The following RPS6KC1 variants were observed in gnomAD, a reference collection of about 807,000 sequenced individuals.
RPS6KC1 encodes the protein ribosomal protein S6 kinase C1.
In RPS6KC1, 54 loss-of-function variants were observed where a neutral mutation model predicts 103.8. That is an observed-to-expected ratio of 0.52 (90% CI 0.42 to 0.65). RPS6KC1 has a LOEUF of 0.65. RPS6KC1 is among the 30% of genes least tolerant of loss of function. The pLI, the probability that RPS6KC1 is intolerant of heterozygous loss-of-function variation, is 0.00. For missense variants in RPS6KC1, 1,151 were observed against 1,253.8 expected, an observed-to-expected ratio of 0.92 and a Z score of 1.24; for synonymous variants, 439 against 438.7, an observed-to-expected ratio of 1.00 and a Z score of -0.01.
chr1:213,242,411 A>G, intron 11 of RPS6KC1, 114 bp downstream of exon 11: 1 of 1,295,624 alleles, frequency 7.7e-7, no homozygotes, highest in Non-Finnish European at 1.1e-6. Context: ...CTTCATTATC[A>G]GTGCAGCAAA....
At chr1:213,431,879 T>A in the RPS6KC1 span, among the ~76,000 whole-genome samples, 1 of 152,184 alleles carries the variant, frequency 6.6e-6, no homozygotes, top group Non-Finnish European at 1.5e-5. Context: ...ATAATGAAGA[T>A]TTCCAAAGAG....
chr1:213,053,363 A>G (rs1044366810), intron 1 of RPS6KC1, among the ~76,000 whole-genome samples: 1 of 152,222 alleles, frequency 6.6e-6, no homozygotes, highest in Non-Finnish European at 1.5e-5. Flanking sequence ...CAAATAATAG[A>G]TAAAAGAACA....
the RPS6KC1 span, among the ~76,000 whole-genome samples, chr1:213,758,804 T>C: frequency 6.6e-6 from 1 of 152,168 alleles, no homozygotes; most frequent in Non-Finnish European, 1.5e-5. Flanking sequence ...AAAACTTGAA[T>C]GAATAAGGAG....
the RPS6KC1 span, among the ~76,000 whole-genome samples, chr1:213,663,184 T>C: frequency 5.6e-4 from 86 of 152,360 alleles, no homozygotes; most frequent in Non-Finnish European, 3.8e-4. Context: ...CAGTGCCCTT[T>C]GGGTTACCTG....
chr1:213,300,286 A>G, the RPS6KC1 span, among the ~76,000 whole-genome samples: 3 of 152,350 alleles, frequency 2.0e-5, 1 homozygote, highest in East Asian at 1.9e-4. Flanking sequence ...CACTTATTCA[A>G]CAGCCACACA....
chr1:213,494,663 T>C, the RPS6KC1 span, among the ~76,000 whole-genome samples: 413 of 152,130 alleles, frequency 2.7e-3, 5 homozygotes, highest in Middle Eastern at 0.024. Context: ...TCGAAGTGGA[T>C]AACAGGATAA....
At chr1:213,382,048 A>AT in the RPS6KC1 span, among the ~76,000 whole-genome samples, 2 of 151,990 alleles carry the variant, frequency 1.3e-5, no homozygotes, top group Non-Finnish European at 1.5e-5. Context: ...CCAAATGCCG[A>AT]TTTTTTTGTG....
the RPS6KC1 span, among the ~76,000 whole-genome samples, chr1:213,839,576 G>A: frequency 2.6e-5 from 4 of 152,130 alleles, no homozygotes; most frequent in East Asian, 5.8e-4. Flanking sequence ...ACCTCTCCTC[G>A]CCTCTCATGT....
At chr1:213,146,325 C>T (rs2087821662) in intron 6 of RPS6KC1, among the ~76,000 whole-genome samples, 1 of 151,802 alleles carries the variant, frequency 6.6e-6, no homozygotes, top group African/African-American at 2.4e-5. Context: ...CAAATCTTGG[C>T]TATTGTAAAT....
chr1:213,580,481 T>G, the RPS6KC1 span, among the ~76,000 whole-genome samples: 1 of 152,108 alleles, frequency 6.6e-6, no homozygotes, highest in Non-Finnish European at 1.5e-5. Flanking sequence ...ACTTACATGA[T>G]AAAGCAGTGG....
chr1:213,120,890 C>T (rs1442935960), intron 5 of RPS6KC1, among the ~76,000 whole-genome samples: 1 of 152,082 alleles, frequency 6.6e-6, no homozygotes, highest in Admixed American at 6.6e-5. Context: ...TCTTAAAATG[C>T]AGTCAACAGA....
At chr1:213,455,804 T>C in the RPS6KC1 span, among the ~76,000 whole-genome samples, 1 of 152,222 alleles carries the variant, frequency 6.6e-6, no homozygotes, top group Admixed American at 6.5e-5. Context: ...CATTGCCTTT[T>C]GTTTTTATTG....
At chr1:213,411,525 A>G in the RPS6KC1 span, among the ~76,000 whole-genome samples, 1 of 152,200 alleles carries the variant, frequency 6.6e-6, no homozygotes, top group African/African-American at 2.4e-5. Context: ...GGGATTCTCA[A>G]GGCTTTCTGA....
intron 8 of RPS6KC1, among the ~76,000 whole-genome samples, chr1:213,219,264 A>G (rs180859365): frequency 1.2e-3 from 179 of 152,370 alleles, no homozygotes; most frequent in African/African-American, 3.2e-3. Flanking sequence ...AAAAATGCTC[A>G]TCATCACTGG....
intron 8 of RPS6KC1, among the ~76,000 whole-genome samples, chr1:213,201,278 A>G (rs572726552): frequency 6.6e-6 from 1 of 152,334 alleles, no homozygotes; most frequent in South Asian, 2.1e-4. Flanking sequence ...ACTCACTGGT[A>G]AAAAAGAAAT....
chr1:213,215,248 C>T (rs569220614), intron 8 of RPS6KC1, among the ~76,000 whole-genome samples: 2 of 152,060 alleles, frequency 1.3e-5, no homozygotes, highest in Admixed American at 6.5e-5. Flanking sequence ...CTTCAGTAGC[C>T]GATGCGATCA....
chr1:213,356,422 G>A, the RPS6KC1 span, among the ~76,000 whole-genome samples: 2 of 152,144 alleles, frequency 1.3e-5, no homozygotes, highest in African/African-American at 2.4e-5. Flanking sequence ...TTGGGAGGCC[G>A]AGGCAGCAGA....
the RPS6KC1 span, among the ~76,000 whole-genome samples, chr1:213,619,977 C>A: frequency 6.6e-6 from 1 of 152,060 alleles, no homozygotes; most frequent in Non-Finnish European, 1.5e-5. Context: ...ATGTAGTTTC[C>A]AATTTTTTAA....
chr1:213,137,777 C>CTCTCTCTATA (rs1387641875), intron 6 of RPS6KC1, among the ~76,000 whole-genome samples: 33 of 63,584 alleles, frequency 5.2e-4, no homozygotes, highest in African/African-American at 2.9e-3. Flanking sequence ...CTCTCTCTCT[C>CTCTCTCTATA]TATATATATA....
Sources: gnomAD v4.1 joint callset for allele counts (sites outside exome capture counted in the v4.1 genomes callset) on GRCh38, gnomAD v4.1.1 for gene constraint, MANE v1.5 for transcripts, NCBI Gene and HGNC (gene_info 2026-07-23, HGNC 2026-07-21) for gene names.